Variants in CROCC observed in about 807,000 individuals in gnomAD.
CROCC encodes rootletin.
A neutral mutation model predicts 245.2 loss-of-function variants in CROCC; 180 were observed. The observed-to-expected ratio is 0.73, with a 90% CI of 0.65 to 0.83. CROCC has a LOEUF of 0.83. Ranked by LOEUF, CROCC falls within the 40% of genes least tolerant of loss-of-function variation. The pLI, the probability that CROCC is intolerant of heterozygous loss-of-function variation, is 0.00. For missense variants in CROCC, 2,688 were observed against 2,779.4 expected (o/e 0.97, Z 0.74); for synonymous variants, 1,205 against 1,241.6 (o/e 0.97, Z 0.62).
chr1:16,938,329 A>T, intron 10 of CROCC, 71 bp from the exon 11 acceptor site: 1 of 1,389,168 alleles, frequency 7.2e-7, no homozygotes, highest in South Asian at 1.3e-5. Context: ...TGGGCCAGGT[A>T]GGGAGGGAAA....
chr1:16,945,324 C>T, intron 14 of CROCC, 138 bp from the exon 15 acceptor site: 1 of 1,255,098 alleles, frequency 8.0e-7, no homozygotes, highest in South Asian at 1.4e-5. Context: ...CGGTAGTGGG[C>T]TTGGTTGCCC....
At position 16,952,510 on chromosome 1, in the gene CROCC, T is replaced by C. The variant is rs527556993; in HGVS notation, c.3007-792T>C. ...AAAAAAAAAAAAAAGAAGTGGCAGC[T>C]CTGTCTGCTTCTCACAGAGTTGCTA... On this transcript the variant is annotated intron_variant, in intron 20 of 36. Transcript: ENST00000375541. Among the ~76,000 whole-genome samples the C allele has an allele frequency of 3.4e-4, 51 of 148,196 alleles. 1 individual carries two copies. In the South Asian group the frequency reaches 0.011, roughly 31 times the overall value.
intron 1 of CROCC, among the ~76,000 whole-genome samples, chr1:16,914,277 A>T (rs1271351507): frequency 6.6e-6 from 1 of 152,152 alleles, no homozygotes; most frequent in Non-Finnish European, 1.5e-5. Flanking sequence ...GCGGCCCGGC[A>T]CCGGAGGCCA....
rs1199347261 is a variant in CROCC at position 16,945,619 on chromosome 1, C to T, written c.2136+13C>T. The T allele has an allele frequency of 8.1e-6, 13 of 1,610,942 alleles. No homozygotes were observed. In the Admixed American group the frequency reaches 1.0e-4, roughly 12 times the overall value. On this transcript the variant is annotated intron_variant, in intron 15 of 36. Transcript: ENST00000375541. ...GGCGCTGACCAAGGTGGGTCCCTGT[C>T]TGCTGCACAACCACAAACCTACCTC... is the stretch of plus-strand genomic sequence containing the variant.
intron 12 of CROCC, 67 bp downstream of exon 12, chr1:16,939,209 T>TGGGGGG (rs1238188946): frequency 1.6e-4 from 110 of 695,698 alleles, no homozygotes; most frequent in Non-Finnish European, 2.1e-4. Context: ...GCCCTCCGGG[T>TGGGGGG]GGGGGCGGGG....
Position 16,968,294 on chromosome 1 carries a change from C to T in CROCC, c.4952C>T (p.Thr1651Ile). The T allele has an allele frequency of 6.4e-7, 1 of 1,553,580 alleles. No homozygotes were observed. The highest frequency in any genetic ancestry group is 1.2e-5 in the South Asian group (1 of 84,192). The change falls in exon 31 of 37, where the codon ACT (threonine) becomes ATT (isoleucine). Residue 1651 changes from threonine (T) to isoleucine (I), a missense_variant. Around this residue, in one of 9 missense-constraint regions of CROCC, gnomAD observed 1,218 missense variants for 1,286.3 expected, o/e 0.95. Transcript: ENST00000375541. ...GTTCTGGACGCCTCCGAGAGCCGCA[C>T]TGTCAAGCTGGAGCTGCAGCGGCGC... ...KEVLDASESRTVKLELQRRSL... is the reference protein window; with the variant it reads ...KEVLDASESRIVKLELQRRSL...
chr1:16,924,326 C>A lies in CROCC; in HGVS notation c.198C>A (p.Val66=). 1 of 1,611,934 alleles carries A rather than the reference C, an allele frequency of 6.2e-7. No individual in the cohort carries two copies. Among genetic ancestry groups the A allele is most frequent in the Non-Finnish European group, 8.5e-7 (1 of 1,179,416 alleles). The change falls in exon 3 of 37, where the codon GTC becomes GTA. Residue 66 remains valine, a splice_region_variant and synonymous_variant. Transcript: ENST00000375541. ...CATGTGCCCACTGTCCCTTGCCAGT[C>A]CTGCTGCCGGCCACAGAGATGGCAT... ...TRNLSQPESP[V]LLPATEMASL...
chr1:16,963,163 A>G (rs1411539054), intron 27 of CROCC, among the ~76,000 whole-genome samples: 5 of 150,490 alleles, frequency 3.3e-5, no homozygotes, highest in Non-Finnish European at 7.4e-5. Flanking sequence ...AGACTGGGCA[A>G]CAAGAGCGAA....
chr1:16,942,725 C>T (rs1288332362), intron 13 of CROCC, among the ~76,000 whole-genome samples: 6 of 152,296 alleles, frequency 3.9e-5, no homozygotes, highest in Admixed American at 2.0e-4. Context: ...TAAACCCAAG[C>T]TTTCCATGCC....
Position 16,943,513 on chromosome 1 carries a change from G to T in CROCC, c.1809-587G>T, listed in dbSNP as rs1236540336. 2.0e-5 allele frequency among the ~76,000 whole-genome samples: 3 copies of T among 152,272 alleles called. 1 individual carries two copies. Among genetic ancestry groups the T allele is most frequent in the Non-Finnish European group, 4.4e-5 (3 of 68,046 alleles). On this transcript the variant is annotated intron_variant, in intron 13 of 36. Transcript: ENST00000375541. ...AGATTGCGCTACTGCACTCCAGCCT[G>T]GGGGACAGAGCGAGACTCCGTCTCA...
chr1:16,950,646 A>T (rs951948064), intron 19 of CROCC, among the ~76,000 whole-genome samples: 13 of 152,240 alleles, frequency 8.5e-5, no homozygotes, highest in African/African-American at 2.9e-4. Flanking sequence ...GCGTGAGCCA[A>T]GGCACCTGAC....
intron 1 of CROCC, among the ~76,000 whole-genome samples, chr1:16,914,099 C>T (rs141302596): frequency 0.057 from 8,512 of 150,456 alleles, 74 homozygotes; most frequent in African/African-American, 0.091. Context: ...CCGGCCCGCT[C>T]GGCCTCGGCA....
rs755830955 is a variant in CROCC, at chr1:16,938,391, G to T, written c.1291-9G>T. The T allele has an allele frequency of 2.6e-6, 4 of 1,556,340 alleles. No homozygotes were observed. Among genetic ancestry groups the T allele is most frequent in the Non-Finnish European group, 3.5e-6 (4 of 1,150,510 alleles). On this transcript the variant is annotated splice_polypyrimidine_tract_variant and intron_variant, in intron 10 of 36. Transcript: ENST00000375541. Reference sequence around the variant, plus strand: ...CCAACCACCCTTTGTCTCCCTAACCGCACTCCAGGAATCCCTGCGGCTACA... The same window carrying T: ...CCAACCACCCTTTGTCTCCCTAACCTCACTCCAGGAATCCCTGCGGCTACA...
chr1:16,938,493 C>G lies in CROCC; in HGVS notation c.1374+10C>G. 1 of 1,563,372 alleles carries G rather than the reference C, an allele frequency of 6.4e-7. No homozygotes were observed. The highest frequency in any genetic ancestry group is 8.7e-7 in the Non-Finnish European group (1 of 1,154,280). On this transcript the variant is annotated intron_variant, in intron 11 of 36. Transcript: ENST00000375541. ...AAGGGACCTGGCACAGGTGTGAGCCCAGAGAGGCGGGAAGACAGCGCCCTG... is the reference window on the plus strand; with the variant it reads ...AAGGGACCTGGCACAGGTGTGAGCCGAGAGAGGCGGGAAGACAGCGCCCTG...
At chr1:16,958,496 C>T (rs1283534469) in intron 25 of CROCC, 87 bp from the exon 26 acceptor site, 28 of 1,472,036 alleles carry the variant, frequency 1.9e-5, no homozygotes, top group East Asian at 2.5e-5. Context: ...TGTGTCCCTA[C>T]AGCAGTAGGT....
At position 16,937,667 on chromosome 1, in the gene CROCC, A is replaced by T; in HGVS notation, c.1220A>T (p.Lys407Met). Residue 407 changes from lysine to methionine, a missense_variant, in exon 10 of 37, where the codon AAG becomes ATG. Coordinates refer to ENST00000375541, the MANE Select transcript of CROCC (RefSeq NM_014675.5). ...GTGACAGAGCTGGGCCTGGCAGTGAAGCGTCTTGAGAAGCAGAATCTGGAG... is the reference window on the plus strand; with the variant it reads ...GTGACAGAGCTGGGCCTGGCAGTGATGCGTCTTGAGAAGCAGAATCTGGAG... Reference protein sequence around the residue: ...ARVTELGLAVKRLEKQNLEKD... With the variant: ...ARVTELGLAVMRLEKQNLEKD... 6.2e-7 allele frequency: 1 copy of T among 1,611,504 alleles called. No individual in the cohort carries two copies. Among genetic ancestry groups the T allele is most frequent in the East Asian group, 2.2e-5 (1 of 44,882 alleles).
Position 16,939,021 on chromosome 1 carries a change from C to G in CROCC, c.1487C>G (p.Pro496Arg), listed in dbSNP as rs752606927. The part of the protein sequence containing the change: ...GLSGQRTPSP[P>R]RRSSPGRGRS... The stretch of plus-strand genomic sequence containing the variant: ...TCGGGCCAGCGGACCCCGTCCCCAC[C>G]GCGGCGCTCCTCGCCCGGCCGAGGC... Residue 496 changes from proline to arginine, a missense_variant, in exon 12 of 37, where the codon CCG (proline) becomes CGG (arginine). Pro to Arg is a moderately radical substitution (Grantham distance 103). Transcript: ENST00000375541. The G allele has an allele frequency of 5.6e-6, 9 of 1,599,938 alleles. No homozygotes were observed. Among genetic ancestry groups the G allele is most frequent in the Admixed American group, 3.5e-5 (2 of 57,562 alleles).
chr1:16,958,009 T>C (rs1031180913), intron 25 of CROCC, among the ~76,000 whole-genome samples: 2 of 151,756 alleles, frequency 1.3e-5, no homozygotes, highest in African/African-American at 4.8e-5. Flanking sequence ...TCCCTGCTCC[T>C]GTGGGGAAAT....
intron 13 of CROCC, among the ~76,000 whole-genome samples, chr1:16,943,011 G>C (rs1371829031): frequency 6.6e-6 from 1 of 152,252 alleles, no homozygotes; most frequent in Non-Finnish European, 1.5e-5. Flanking sequence ...GGGAGGCCGA[G>C]GCAGGAGGAC....
Sources: allele counts gnomAD v4.1 joint callset (sites outside exome capture counted in the v4.1 genomes callset), GRCh38; gene constraint gnomAD v4.1.1; regional missense constraint gnomAD v4.1.1; transcripts MANE v1.5; gene names NCBI Gene and HGNC (gene_info 2026-07-23, HGNC 2026-07-21).